TSKU: variants seen among roughly 807,000 people sequenced by gnomAD.
TSKU encodes the protein tsukushi.
TSKU carries 4 observed loss-of-function variants against 11.2 expected under a neutral mutation model. That is an observed-to-expected ratio of 0.36 (90% confidence interval 0.18 to 0.82). TSKU has a LOEUF of 0.82. TSKU is among the 40% of genes least tolerant of loss of function. The probability of loss-of-function intolerance (pLI) is 0.50; values close to 1 mark genes in which losing one functional copy is unlikely to be tolerated. For missense variants in TSKU, 407 were observed against 482.5 expected (o/e 0.84, Z 1.47); for synonymous variants, 220 against 232.2 (o/e 0.95, Z 0.48).
At chr11:76,784,208 AG>A in intron 1 of TSKU, 1 of 152,366 alleles carries the variant, frequency 6.6e-6, no homozygotes, top group East Asian at 1.9e-4. Context: ...TGGGCTGGGG[AG>A]AGGAAGGGAC....
chr11:76,795,300 C>T (rs1411655691), intron 1 of TSKU, among the ~76,000 whole-genome samples: 3 of 152,212 alleles, frequency 2.0e-5, no homozygotes, highest in Admixed American at 6.5e-5. Context: ...GGGCAGAAGT[C>T]GAGGGCTTCA....
intron 1 of TSKU, chr11:76,784,302 C>T (rs957038013): frequency 2.0e-5 from 3 of 152,238 alleles, no homozygotes; most frequent in South Asian, 2.1e-4. Flanking sequence ...AGACAGGCTC[C>T]GCTTTGAGAC....
rs180706322 is a variant in TSKU at position 76,791,533 on chromosome 11, C to T, written c.-8-4076C>T. 2.2e-3 allele frequency among the ~76,000 whole-genome samples: 342 copies of T among 152,300 alleles called. 1 individual carries two copies. Among genetic ancestry groups the T allele is most frequent in the African/African-American group, 7.5e-3 (312 of 41,566 alleles). On this transcript the variant is annotated intron_variant, in intron 1 of 1. Coordinates refer to ENST00000333090, the MANE Select transcript of TSKU (RefSeq NM_015516.4). ...TTGGTGTCCTGTGTCCCAGACACTC[C>T]AGCCATGACTAAAAGGGGCCAAGGT...
chr11:76,782,617 G>A (rs1240894784), upstream of TSKU: 1 of 151,734 alleles, frequency 6.6e-6, no homozygotes, highest in Admixed American at 6.6e-5. Flanking sequence ...CTACAGCAGG[G>A]GGAATAGACT....
chr11:76,788,230 C>T (rs1056936883), intron 1 of TSKU, among the ~76,000 whole-genome samples: 3 of 151,886 alleles, frequency 2.0e-5, no homozygotes, highest in African/African-American at 7.3e-5. Context: ...AGGCCGGTCT[C>T]GGGGGTGCTG....
chr11:76,786,041 C>T (rs1009897207), intron 1 of TSKU, among the ~76,000 whole-genome samples: 2 of 152,214 alleles, frequency 1.3e-5, no homozygotes, highest in Non-Finnish European at 2.9e-5. Context: ...CATTGGATTG[C>T]ACTGACAATA....
chr11:76,783,653 T>C (rs916669981), intron 1 of TSKU, among the ~76,000 whole-genome samples: 13 of 152,258 alleles, frequency 8.5e-5, no homozygotes, highest in African/African-American at 3.1e-4. Context: ...TGGGTCTTTG[T>C]GCGGACACGT....
chr11:76,796,135 G>C lies in TSKU; in HGVS notation c.519G>C (p.Val173=), dbSNP rs757277791. Residue 173 remains valine, a synonymous_variant, in exon 2 of 2, where the codon GTG becomes GTC. Transcript: ENST00000333090. The surrounding 1 kb of genome is among the most constrained non-coding windows in gnomAD (Gnocchi z 4.1). ...DLSHNLIHRL[V]PHPTRAGLPA... Reference sequence around the variant, plus strand: ...CCCACAACCTCATTCACCGCCTCGTGCCCCACCCCACGAGGGCCGGCCTGC... The same window carrying C: ...CCCACAACCTCATTCACCGCCTCGTCCCCCACCCCACGAGGGCCGGCCTGC... 3.1e-6 allele frequency: 5 copies of C among 1,613,732 alleles called. No individual in the cohort carries two copies. Among genetic ancestry groups the C allele is most frequent in the Non-Finnish European group, 4.2e-6 (5 of 1,180,022 alleles).
rs1217501948 is a variant in TSKU at position 76,795,729 on chromosome 11, G to C, written c.113G>C (p.Ser38Thr). Residue 38 changes from serine (S) to threonine (T), a missense_variant, in exon 2 of 2, where the codon AGC becomes ACC. Coordinates refer to ENST00000333090, the MANE Select transcript of TSKU (RefSeq NM_015516.4). ...ACCTTCGGCCTTTTCGACAGCTTCA[G>C]CCTGACTCGGGTGGATTGTAGCGGC... ...VETFGLFDSFSLTRVDCSGLG... is the reference protein window; with the variant it reads ...VETFGLFDSFTLTRVDCSGLG... The C allele has an allele frequency of 2.5e-6, 4 of 1,614,222 alleles. No individual in the cohort carries two copies. In the South Asian group the frequency reaches 4.4e-5, roughly 18 times the overall value.
At chr11:76,783,734 C>G (rs925657000) in intron 1 of TSKU, among the ~76,000 whole-genome samples, 1 of 152,178 alleles carries the variant, frequency 6.6e-6, no homozygotes, top group Non-Finnish European at 1.5e-5. Flanking sequence ...TTTGTGTGTC[C>G]GTGGCTTTGC....
rs775646290 is a variant in TSKU, at chr11:76,796,192, C to A, written c.576C>A (p.Ala192=). The change falls in exon 2 of 2, where the codon GCC becomes GCA. Residue 192 remains alanine, a synonymous_variant. Transcript: ENST00000333090. This position sits in a 1 kb window ranked among gnomAD's most constrained non-coding sequence, Gnocchi z 4.1. ...CCACCATTCAGAGCCTGAACCTGGC[C>A]TGGAACCGGCTCCATGCCGTGCCCA... ...PAPTIQSLNL[A]WNRLHAVPNL... 3.7e-6 allele frequency: 6 copies of A among 1,613,744 alleles called. No homozygotes were observed. Among genetic ancestry groups the A allele is most frequent in the Admixed American group, 3.3e-5 (2 of 60,032 alleles).
chr11:76,788,212 C>G (rs977941190), intron 1 of TSKU, among the ~76,000 whole-genome samples: 1 of 151,286 alleles, frequency 6.6e-6, no homozygotes, highest in Non-Finnish European at 1.5e-5. Context: ...AACAGCTGAT[C>G]GAGACAAAGG....
chr11:76,788,352 G>A (rs1357017498), intron 1 of TSKU, among the ~76,000 whole-genome samples: 2 of 152,058 alleles, frequency 1.3e-5, no homozygotes, highest in African/African-American at 2.4e-5. Context: ...GCAGCACCAG[G>A]GTCAGGCAGC....
chr11:76,788,486 A>G (rs2134390258), intron 1 of TSKU, among the ~76,000 whole-genome samples: 1 of 152,266 alleles, frequency 6.6e-6, no homozygotes, highest in Non-Finnish European at 1.5e-5. Context: ...TCCTGGCGCC[A>G]CACTGGGAAC....
intron 1 of TSKU, among the ~76,000 whole-genome samples, chr11:76,785,618 T>C (rs1400465720): frequency 6.6e-6 from 1 of 151,960 alleles, no homozygotes; most frequent in Non-Finnish European, 1.5e-5. Flanking sequence ...GGGTGGTGAA[T>C]TGGAAGTGAA....
chr11:76,794,601 A>G (rs1944417256), intron 1 of TSKU, among the ~76,000 whole-genome samples: 2 of 152,226 alleles, frequency 1.3e-5, no homozygotes, highest in African/African-American at 4.8e-5. Context: ...CATCTGTATA[A>G]TGGGGGAAGC....
rs575101189 is a variant in TSKU at position 76,796,293 on chromosome 11, C to A, written c.677C>A (p.Ala226Glu). 10 of 1,613,336 alleles carry A rather than the reference C, an allele frequency of 6.2e-6. No individual in the cohort carries two copies. In the South Asian group the frequency reaches 1.1e-4, roughly 18 times the overall value. Residue 226 changes from alanine to glutamate, a missense_variant, in exon 2 of 2, where the codon GCG becomes GAG. Transcript: ENST00000333090. This position sits in a 1 kb window ranked among gnomAD's most constrained non-coding sequence, Gnocchi z 4.1. ...PLAVIGPGAF[A>E]GLGGLTHLSL... ...GCTGTCATTGGTCCGGGTGCCTTCGCGGGGCTGGGAGGCCTTACACACCTG... is the reference window on the plus strand; with the variant it reads ...GCTGTCATTGGTCCGGGTGCCTTCGAGGGGCTGGGAGGCCTTACACACCTG...
In TSKU at chr11:76,797,268, C is replaced by T. The variant is rs1240332127; in HGVS notation, c.*590C>T. ...GGCCTTGAGAAGGAAAAAGGCTAAT[C>T]TAAGTTCCTGCGGGCAGTGGCATGA... On this transcript the variant is annotated 3_prime_UTR_variant, in exon 2 of 2. Transcript: ENST00000333090. The T allele has an allele frequency of 1.2e-5, 2 of 167,170 alleles. No individual in the cohort carries two copies. The highest frequency in any genetic ancestry group is 4.8e-5 in the African/African-American group (2 of 41,460). The allele number at this position is 167,170 out of a possible 1,614,324, so 10.4% of individuals were successfully genotyped here.
chr11:76,791,749 T>G (rs965591542), intron 1 of TSKU: 2 of 152,162 alleles, frequency 1.3e-5, no homozygotes, highest in Non-Finnish European at 1.5e-5. Context: ...GTTGAGCCTG[T>G]GGGTACACAG....
Sources: gnomAD v4.1 joint callset for allele counts (sites outside exome capture counted in the v4.1 genomes callset) on GRCh38, gnomAD v4.1.1 for gene constraint, Gnocchi (gnomAD v3.1) non-coding constraint, MANE v1.5 for transcripts, NCBI Gene and HGNC (gene_info 2026-07-23, HGNC 2026-07-21) for gene names.